Variants in CD38 observed in about 807,000 individuals in gnomAD.
CD38 encodes CD38 molecule.
CD38 carries 31 observed loss-of-function variants against 36.3 expected under a neutral mutation model. The ratio of observed to expected loss-of-function variants is 0.85; its 90% confidence interval spans 0.64 to 1.15. The LOEUF is 1.15. CD38 is among the 50% of genes most tolerant of loss of function. The probability of loss-of-function intolerance (pLI) is 0.00; values close to 1 mark genes in which losing one functional copy is unlikely to be tolerated. For missense variants in CD38, 380 were observed against 371.9 expected, an observed-to-expected ratio of 1.02 and a Z score of -0.18; for synonymous variants, 131 against 135.2, an observed-to-expected ratio of 0.97 and a Z score of 0.22.
intron 1 of CD38, among the ~76,000 whole-genome samples, chr4:15,790,749 G>C (rs1174902443): frequency 6.6e-6 from 1 of 151,028 alleles, no homozygotes; most frequent in Non-Finnish European, 1.5e-5. Flanking sequence ...CTTCCCCGCC[G>C]CCATCCCATC....
intron 1 of CD38, among the ~76,000 whole-genome samples, chr4:15,791,498 C>A (rs1722988025): frequency 4.5e-5 from 3 of 66,646 alleles, no homozygotes; most frequent in African/African-American, 1.2e-4. Flanking sequence ...AGCCCCCCGC[C>A]CGGCCAGCCG....
At chr4:15,818,917 T>C (rs1403665725) in intron 2 of CD38, among the ~76,000 whole-genome samples, 1 of 152,146 alleles carries the variant, frequency 6.6e-6, no homozygotes, top group African/African-American at 2.4e-5. Context: ...AGCACAAAAA[T>C]GCTGAAAACT....
intron 7 of CD38, among the ~76,000 whole-genome samples, chr4:15,841,998 T>A (rs1271996285): frequency 7.0e-6 from 1 of 142,346 alleles, no homozygotes; most frequent in African/African-American, 2.8e-5. Context: ...CGCCCGCCAT[T>A]GCCCAGGCTT....
At chr4:15,810,433 A>T (rs1046235725) in intron 1 of CD38, among the ~76,000 whole-genome samples, 3 of 152,194 alleles carry the variant, frequency 2.0e-5, no homozygotes, top group Non-Finnish European at 4.4e-5. Flanking sequence ...CTAAGGAAAG[A>T]TGTAGAAGAG....
chr4:15,851,311 A>G lies in CD38; in HGVS notation c.*2709A>G, dbSNP rs1477171121. The G allele has an allele frequency of 6.6e-6, 1 of 152,162 alleles. No homozygotes were observed. The highest frequency in any genetic ancestry group is 1.5e-5 in the Non-Finnish European group (1 of 68,052). 9.4% of individuals were successfully genotyped at this position (152,162 alleles called of 1,614,324 possible). A position where few individuals can be genotyped will look rare whatever the true frequency, so the allele number is the denominator to read the frequency against. On this transcript the variant is annotated 3_prime_UTR_variant, in exon 8 of 8. Coordinates refer to ENST00000226279, the MANE Select transcript of CD38 (RefSeq NM_001775.4). ...TAAATACCCCCTCACAATATATATT[A>G]CTTTTCCTATAAGTGACTTCTCTAC...
At chr4:15,809,557 G>C (rs1447827256) in intron 1 of CD38, among the ~76,000 whole-genome samples, 1 of 152,166 alleles carries the variant, frequency 6.6e-6, no homozygotes, top group Non-Finnish European at 1.5e-5. Context: ...AGGCACTGCA[G>C]CTTTTCCAAA....
At chr4:15,810,139 C>T (rs10029603) in intron 1 of CD38, among the ~76,000 whole-genome samples, 8,065 of 152,114 alleles carry the variant, frequency 0.053, 576 homozygotes, top group African/African-American at 0.16. Flanking sequence ...AGCTCTGCTC[C>T]GTCTAAACAA....
At chr4:15,782,606 A>G (rs932278285) in intron 1 of CD38, among the ~76,000 whole-genome samples, 1 of 152,220 alleles carries the variant, frequency 6.6e-6, no homozygotes, top group East Asian at 1.9e-4. Flanking sequence ...CCAGGGTATT[A>G]AAAATAACAT....
chr4:15,827,557 T>C (rs1723874523), intron 3 of CD38, among the ~76,000 whole-genome samples: 2 of 152,206 alleles, frequency 1.3e-5, no homozygotes, highest in South Asian at 4.1e-4. Flanking sequence ...GTTTTTCCCA[T>C]GTTCCATGTT....
chr4:15,786,041 T>C (rs955590722), intron 1 of CD38, among the ~76,000 whole-genome samples: 1 of 152,154 alleles, frequency 6.6e-6, no homozygotes, highest in Non-Finnish European at 1.5e-5. Flanking sequence ...TTCCTCCTGG[T>C]GGGTTCATGG....
intron 1 of CD38, among the ~76,000 whole-genome samples, chr4:15,811,188 T>G (rs1235957330): frequency 6.6e-6 from 1 of 152,224 alleles, no homozygotes; most frequent in African/African-American, 2.4e-5. Context: ...AGAAATAATA[T>G]TTACAAATAT....
At chr4:15,837,908 C>G (rs1462628730) in intron 4 of CD38, among the ~76,000 whole-genome samples, 184 bp from the exon 5 acceptor site, 1 of 152,214 alleles carries the variant, frequency 6.6e-6, no homozygotes, top group Admixed American at 6.5e-5. Flanking sequence ...TTCAAGAACT[C>G]TGATATGAAG....
At chr4:15,794,375 A>G (rs1217367717) in intron 1 of CD38, among the ~76,000 whole-genome samples, 2 of 152,196 alleles carry the variant, frequency 1.3e-5, no homozygotes, top group East Asian at 3.9e-4. Flanking sequence ...TTTAGTGGAG[A>G]TGTTGACCAG....
At position 15,852,987 on chromosome 4, in the gene CD38, T is replaced by C. The variant is rs1724431671; in HGVS notation, c.*4385T>C. On this transcript the variant is annotated 3_prime_UTR_variant, in exon 8 of 8. Coordinates refer to ENST00000226279, the MANE Select transcript of CD38 (RefSeq NM_001775.4). Reference sequence around the variant, plus strand: ...CATCTCGCCCGGCTAATTTTTTGTATTTTTAGTAGAGACGGGGTTTCACCG... The same window carrying C: ...CATCTCGCCCGGCTAATTTTTTGTACTTTTAGTAGAGACGGGGTTTCACCG... 6.6e-6 allele frequency: 1 copy of C among 152,110 alleles called. No individual in the cohort carries two copies. Among genetic ancestry groups the C allele is most frequent in the African/African-American group, 2.4e-5 (1 of 41,392 alleles). 9.4% of individuals were successfully genotyped at this position (152,110 alleles called of 1,614,324 possible).
chr4:15,827,846 T>G (rs533938464), intron 3 of CD38, among the ~76,000 whole-genome samples: 1 of 152,094 alleles, frequency 6.6e-6, no homozygotes, highest in Non-Finnish European at 1.5e-5. Context: ...ATTTTTAATT[T>G]CTTCTTATTT....
In CD38 at chr4:15,794,570, C is replaced by G. The variant is rs141222949; in HGVS notation, c.233+15923C>G. On this transcript the variant is annotated intron_variant, in intron 1 of 7. Transcript: ENST00000226279. ...GAAGATTGGAAATTGACCAATGGATCGGTGACTTGGCAAGGTCAGTTTGGG... is the reference window on the plus strand; with the variant it reads ...GAAGATTGGAAATTGACCAATGGATGGGTGACTTGGCAAGGTCAGTTTGGG... Among the ~76,000 whole-genome samples the G allele has an allele frequency of 5.1e-3, 781 of 152,122 alleles. 5 individuals carry two copies. The highest frequency in any genetic ancestry group is 0.018 in the African/African-American group (742 of 41,482).
At position 15,778,447 on chromosome 4, in the gene CD38, G is replaced by T. The variant is rs1167787890; in HGVS notation, c.33G>T (p.Gly11=). The change falls in exon 1 of 8, where the codon GGG becomes GGT. Residue 11 remains glycine (G), a synonymous_variant. Coordinates refer to ENST00000226279, the MANE Select transcript of CD38 (RefSeq NM_001775.4). The surrounding 1 kb of genome is among the most constrained non-coding windows in gnomAD (Gnocchi z 4.9). MANCEFSPVS[G]DKPCCRLSRR... Reference sequence around the variant, plus strand: ...ACTGCGAGTTCAGCCCGGTGTCCGGGGACAAACCCTGCTGCCGGCTCTCTA... The same window carrying T: ...ACTGCGAGTTCAGCCCGGTGTCCGGTGACAAACCCTGCTGCCGGCTCTCTA... The T allele has an allele frequency of 3.1e-6, 5 of 1,613,792 alleles. No homozygotes were observed. Among genetic ancestry groups the T allele is most frequent in the Non-Finnish European group, 3.4e-6 (4 of 1,179,988 alleles).
At chr4:15,822,918 C>T (rs538615214) in intron 2 of CD38, among the ~76,000 whole-genome samples, 1 of 152,116 alleles carries the variant, frequency 6.6e-6, no homozygotes. Context: ...ATCGTGCTAC[C>T]CAACTCCAAA....
chr4:15,805,300 C>T (rs1428155904), intron 1 of CD38, among the ~76,000 whole-genome samples: 1 of 151,216 alleles, frequency 6.6e-6, no homozygotes, highest in Admixed American at 6.6e-5. Flanking sequence ...CTTATTCCTT[C>T]TGCCTAGAAT....
Sources: allele counts gnomAD v4.1 joint callset (sites outside exome capture counted in the v4.1 genomes callset), GRCh38; gene constraint gnomAD v4.1.1; non-coding constraint Gnocchi (gnomAD v3.1); transcripts MANE v1.5; gene names NCBI Gene and HGNC (gene_info 2026-07-23, HGNC 2026-07-21).